RNF2: variants seen among roughly 807,000 people sequenced by gnomAD.
The protein encoded by RNF2 is ring finger protein 2, also known as E3 ubiquitin-protein ligase RING2.
A neutral mutation model predicts 37.2 loss-of-function variants in RNF2; 6 were observed. That is an observed-to-expected ratio of 0.16 (90% CI 0.09 to 0.32). The LOEUF (loss-of-function observed/expected upper bound fraction) is 0.32, where lower values mean the gene tolerates loss of function less well. RNF2 is among the 10% of genes least tolerant of loss of function. The pLI is 1.00. For missense variants in RNF2, 251 were observed against 404.0 expected (o/e 0.62, Z 3.25); for synonymous variants, 133 against 132.7 (o/e 1.00, Z -0.02).
intron 1 of RNF2, among the ~76,000 whole-genome samples, chr1:185,068,195 G>A (rs1251674418): frequency 6.6e-6 from 1 of 152,160 alleles, no homozygotes; most frequent in Non-Finnish European, 1.5e-5. Flanking sequence ...GAAACAGCAT[G>A]TATGCAGGAT....
rs1652090154 is a variant in RNF2, at chr1:185,101,892, C to G, written c.*1591C>G. Reference sequence around the variant, plus strand: ...ATGAAATTTGAAAACCACCAAAAATCAAGGGAACTTTTATATATTCAATTC... The same window carrying G: ...ATGAAATTTGAAAACCACCAAAAATGAAGGGAACTTTTATATATTCAATTC... On this transcript the variant is annotated 3_prime_UTR_variant, in exon 7 of 7. Coordinates refer to ENST00000367510, the MANE Select transcript of RNF2 (RefSeq NM_007212.4). 2.0e-5 allele frequency: 2 copies of G among 98,048 alleles called. No homozygotes were observed. The allele number at this position is 98,048 out of a possible 1,614,324, so 6.1% of individuals were successfully genotyped here. A position where few individuals can be genotyped will look rare whatever the true frequency, so the allele number is the denominator to read the frequency against.
At chr1:185,077,251 C>T (rs1031927965) in intron 1 of RNF2, among the ~76,000 whole-genome samples, 12 of 151,978 alleles carry the variant, frequency 7.9e-5, no homozygotes, top group Admixed American at 5.9e-4. Flanking sequence ...TGCACTGATA[C>T]TTTGATCACT....
At chr1:185,064,816 A>G (rs1162081243) in intron 1 of RNF2, among the ~76,000 whole-genome samples, 1 of 151,992 alleles carries the variant, frequency 6.6e-6, no homozygotes, top group Admixed American at 6.5e-5. Flanking sequence ...GTTTATTCCT[A>G]AGCATTATTA....
chr1:185,098,812 C>A (rs1203423435), intron 5 of RNF2, among the ~76,000 whole-genome samples: 4 of 151,206 alleles, frequency 2.6e-5, no homozygotes, highest in Admixed American at 6.6e-5. Context: ...AGTGCAGTGG[C>A]GCGATCTCGG....
intron 4 of RNF2, among the ~76,000 whole-genome samples, chr1:185,094,405 T>C (rs1651855227): frequency 6.6e-6 from 1 of 152,150 alleles, no homozygotes; most frequent in South Asian, 2.1e-4. Flanking sequence ...CCTCCCAAAG[T>C]GCTGAGATTA....
At chr1:185,054,552 G>A (rs920554157) in intron 1 of RNF2, among the ~76,000 whole-genome samples, 5 of 152,170 alleles carry the variant, frequency 3.3e-5, no homozygotes, top group African/African-American at 9.7e-5. Flanking sequence ...TCCTGAGAGC[G>A]GGTTCCTCAG....
chr1:185,059,958 T>G (rs982502745), intron 1 of RNF2, among the ~76,000 whole-genome samples: 2 of 152,218 alleles, frequency 1.3e-5, no homozygotes, highest in African/African-American at 4.8e-5. Context: ...CAACAGACTG[T>G]GGCCTTCCCA....
rs1652095351 is a variant in RNF2, at chr1:185,102,124, G to A, written c.*1823G>A. On this transcript the variant is annotated 3_prime_UTR_variant, in exon 7 of 7. Coordinates refer to ENST00000367510, the MANE Select transcript of RNF2 (RefSeq NM_007212.4). ...ACTATAAGCTTTGTGCTTAGAGAAT[G>A]TATGTGTTTTTATCTGTCAGTATGG... The A allele has an allele frequency of 6.6e-6, 1 of 152,634 alleles. No homozygotes were observed. Among genetic ancestry groups the A allele is most frequent in the East Asian group, 1.9e-4 (1 of 5,180 alleles). The allele number at this position is 152,634 out of a possible 1,614,324, so 9.5% of individuals were successfully genotyped here.
intron 1 of RNF2, among the ~76,000 whole-genome samples, chr1:185,076,697 C>A (rs1042664809): frequency 3.3e-5 from 5 of 151,208 alleles, no homozygotes; most frequent in African/African-American, 1.2e-4. Flanking sequence ...TTTGTCATCC[C>A]TGATTTTAAA....
At chr1:185,080,798 T>C (rs1158873650) in intron 1 of RNF2, among the ~76,000 whole-genome samples, 3 of 152,246 alleles carry the variant, frequency 2.0e-5, no homozygotes, top group African/African-American at 7.2e-5. Context: ...AATTTGGTTA[T>C]GTGCAAGATA....
intron 1 of RNF2, among the ~76,000 whole-genome samples, chr1:185,069,633 C>T (rs1650909042): frequency 6.6e-6 from 1 of 152,150 alleles, no homozygotes; most frequent in Non-Finnish European, 1.5e-5. Context: ...TAGCCCTATA[C>T]TCTTAATCAT....
rs916328151 is a variant in RNF2, at chr1:185,100,497, A to C, written c.*196A>C. The C allele has an allele frequency of 2.6e-6, 1 of 386,116 alleles. No homozygotes were observed. The highest frequency in any genetic ancestry group is 4.7e-6 in the Non-Finnish European group (1 of 213,520). The allele number at this position is 386,116 out of a possible 1,614,324, so 23.9% of individuals were successfully genotyped here. Reference sequence around the variant, plus strand: ...TTTTTGGAAGGGACTGCAATTATTCAGTATTTTTTTCTTTCCTTTAAAAAA... The same window carrying C: ...TTTTTGGAAGGGACTGCAATTATTCCGTATTTTTTTCTTTCCTTTAAAAAA... On this transcript the variant is annotated 3_prime_UTR_variant, in exon 7 of 7. Transcript: ENST00000367510.
intron 3 of RNF2, among the ~76,000 whole-genome samples, chr1:185,092,519 T>C (rs1185399389): frequency 6.6e-6 from 1 of 152,180 alleles, no homozygotes; most frequent in African/African-American, 2.4e-5. Flanking sequence ...ACTAGAAATC[T>C]TTCTAAAGCC....
At chr1:185,098,393 T>C (rs1447877885) in intron 5 of RNF2, 49 bp downstream of exon 5, 1 of 1,587,408 alleles carries the variant, frequency 6.3e-7, no homozygotes, top group African/African-American at 1.3e-5. Flanking sequence ...AATGTTTAAT[T>C]TGGAGGTAAA....
chr1:185,049,816 T>C (rs1187320227), intron 1 of RNF2, among the ~76,000 whole-genome samples: 1 of 152,194 alleles, frequency 6.6e-6, no homozygotes, highest in Admixed American at 6.5e-5. Flanking sequence ...CATGTGTTAT[T>C]GCTGGTTCTG....
intron 1 of RNF2, among the ~76,000 whole-genome samples, chr1:185,056,331 GATAA>G (rs779617995): frequency 6.7e-4 from 101 of 151,422 alleles, no homozygotes; most frequent in Non-Finnish European, 1.1e-3. Flanking sequence ...AATTTTACAA[GATAA>G]ATTATCCATC....
intron 1 of RNF2, among the ~76,000 whole-genome samples, chr1:185,064,486 T>C (rs1188193196): frequency 6.6e-6 from 1 of 152,240 alleles, no homozygotes; most frequent in African/African-American, 2.4e-5. Context: ...GCAATATGCA[T>C]TCAGCATGCT....
intron 4 of RNF2, among the ~76,000 whole-genome samples, chr1:185,094,710 A>G (rs1200910588): frequency 2.0e-5 from 3 of 152,190 alleles, no homozygotes; most frequent in Non-Finnish European, 4.4e-5. Context: ...GCTTCTATTC[A>G]CATTCAGGCT....
At chr1:185,046,125 TA>T (rs2102145010) in intron 1 of RNF2, 1 of 145,746 alleles carries the variant, frequency 6.9e-6, no homozygotes, top group African/African-American at 2.6e-5. Flanking sequence ...GGGGGTGGGG[TA>T]GGGGGCACTT....
Sources: gnomAD v4.1 joint callset for allele counts (sites outside exome capture counted in the v4.1 genomes callset) on GRCh38, gnomAD v4.1.1 for gene constraint, MANE v1.5 for transcripts, NCBI Gene and HGNC (gene_info 2026-07-23, HGNC 2026-07-21) for gene names.